Variants in SLC26A5 observed in about 807,000 individuals in gnomAD.
SLC26A5 encodes prestin.
In SLC26A5, 51 loss-of-function variants were observed where a neutral mutation model predicts 81.0. That is an observed-to-expected ratio of 0.63 (90% CI 0.50 to 0.80). The LOEUF (loss-of-function observed/expected upper bound fraction) is 0.80, where lower values mean the gene tolerates loss of function less well. SLC26A5 is among the 30% of genes least tolerant of loss of function. The probability of loss-of-function intolerance (pLI) is 0.00; values close to 1 mark genes in which losing one functional copy is unlikely to be tolerated. For missense variants in SLC26A5, 771 were observed against 905.8 expected, an observed-to-expected ratio of 0.85 and a Z score of 1.91; for synonymous variants, 325 against 332.8, an observed-to-expected ratio of 0.98 and a Z score of 0.25.
chr7:103,413,204 C>A, intron 4 of SLC26A5, 92 bp from the exon 5 acceptor site: 1 of 837,646 alleles, frequency 1.2e-6, no homozygotes, highest in Non-Finnish European at 2.0e-6. Context: ...TTCTGATGAA[C>A]GAGTGAAGCC....
In SLC26A5 at chr7:103,367,037, A is replaced by G. The variant is rs545182608; in HGVS notation, c.2041+9771T>C. ...CCAGGCTGGTCTCGAACTCCTGAGG[A>G]CAAGTTATTTTAACTAATCTCTGAG... On this transcript the variant is annotated intron_variant, in intron 19 of 19. Coordinates refer to the SLC26A5 transcript ENST00000339444. The surrounding 1 kb of genome is among the most constrained non-coding windows in gnomAD (Gnocchi z 6.1). Among the ~76,000 whole-genome samples, 2 of 152,222 alleles carry G rather than the reference A, an allele frequency of 1.3e-5. No homozygotes were observed. The highest frequency in any genetic ancestry group is 3.9e-4 in the East Asian group (2 of 5,174).
intron 8 of SLC26A5, among the ~76,000 whole-genome samples, chr7:103,406,853 A>G (rs181124787): frequency 3.2e-4 from 49 of 152,208 alleles, no homozygotes; most frequent in Admixed American, 3.1e-3. Context: ...GGGTTTCACC[A>G]TGTTAGCCAG....
chr7:103,424,811 C>T (rs1825601586), intron 2 of SLC26A5, among the ~76,000 whole-genome samples: 1 of 152,100 alleles, frequency 6.6e-6, no homozygotes, highest in African/African-American at 2.4e-5. Flanking sequence ...CAAAATGTGG[C>T]CAATCACCAC....
downstream of SLC26A5, among the ~76,000 whole-genome samples, chr7:103,372,683 G>A (rs1462465033): frequency 6.6e-5 from 10 of 152,246 alleles, no homozygotes; most frequent in South Asian, 6.2e-4. Flanking sequence ...GAAGATTTAA[G>A]TTATATGTGG....
intron 6 of SLC26A5, 87 bp downstream of exon 6, chr7:103,411,333 C>A: frequency 1.3e-6 from 2 of 1,517,530 alleles, no homozygotes; most frequent in Non-Finnish European, 1.8e-6. Flanking sequence ...CCCCATCCAC[C>A]GTGTAGTAAG....
At chr7:103,390,125 A>C (rs1822527687) in intron 12 of SLC26A5, among the ~76,000 whole-genome samples, 2 of 152,180 alleles carry the variant, frequency 1.3e-5, no homozygotes, top group South Asian at 4.1e-4. Context: ...CAGGTTTTTT[A>C]TGAAAGTACA....
At chr7:103,383,781 C>T (rs1821975423) in intron 14 of SLC26A5, among the ~76,000 whole-genome samples, 2 of 151,994 alleles carry the variant, frequency 1.3e-5, no homozygotes, top group South Asian at 4.2e-4. Context: ...CTCTAGTGAT[C>T]CTTGTGCCTC....
chr7:103,431,751 A>AT (rs1234054030), intron 2 of SLC26A5, among the ~76,000 whole-genome samples: 1 of 152,206 alleles, frequency 6.6e-6, no homozygotes, highest in Non-Finnish European at 1.5e-5. Flanking sequence ...AGTTCTGTGC[A>AT]TTTAGCATCT....
intron 7 of SLC26A5, among the ~76,000 whole-genome samples, chr7:103,408,677 T>C (rs1032869369): frequency 4.6e-5 from 7 of 152,174 alleles, no homozygotes; most frequent in Admixed American, 1.3e-4. Context: ...GGTAAATACA[T>C]TGAAAAGCTT....
chr7:103,434,171 A>G (rs1242854034), intron 2 of SLC26A5, among the ~76,000 whole-genome samples: 3 of 152,166 alleles, frequency 2.0e-5, no homozygotes, highest in Non-Finnish European at 4.4e-5. Flanking sequence ...GGTACTCAGA[A>G]GTAAACGGCC....
At chr7:103,362,749 C>A in intron 19 of SLC26A5, 1 of 1,592,078 alleles carries the variant, frequency 6.3e-7, no homozygotes, top group Non-Finnish European at 8.6e-7. Flanking sequence ...CAACAGTTAC[C>A]ATGATGCAGG....
intron 2 of SLC26A5, among the ~76,000 whole-genome samples, chr7:103,438,042 A>C (rs9918711): frequency 0.38 from 57,969 of 152,008 alleles, 14,789 homozygotes; most frequent in African/African-American, 0.71. Flanking sequence ...GATGGAAATC[A>C]TAACTGTGAC....
intron 14 of SLC26A5, among the ~76,000 whole-genome samples, chr7:103,385,213 G>A (rs1381107470): frequency 6.6e-6 from 1 of 152,004 alleles, no homozygotes; most frequent in Non-Finnish European, 1.5e-5. Flanking sequence ...CTGGGCTGGA[G>A]TGCAGTGGCG....
At chr7:103,415,923 A>G (rs186854634) in intron 4 of SLC26A5, among the ~76,000 whole-genome samples, 13 of 152,190 alleles carry the variant, frequency 8.5e-5, no homozygotes, top group African/African-American at 3.1e-4. Flanking sequence ...TAGATGTATG[A>G]TGGGACATCA....
chr7:103,357,091 C>T (rs548372593), intron 19 of SLC26A5, among the ~76,000 whole-genome samples: 6 of 152,044 alleles, frequency 3.9e-5, no homozygotes, highest in African/African-American at 1.4e-4. Context: ...TTTGGGAGGC[C>T]CAGGCAGGCA....
intron 17 of SLC26A5, 82 bp from the exon 18 acceptor site, chr7:103,377,881 T>C: frequency 7.4e-7 from 1 of 1,348,928 alleles, no homozygotes; most frequent in South Asian, 1.2e-5. Context: ...ATGGAAAATC[T>C]GCTCTTGTGT....
chr7:103,362,670 T>A, intron 19 of SLC26A5: 1 of 1,587,896 alleles, frequency 6.3e-7, no homozygotes, highest in Non-Finnish European at 8.6e-7. Flanking sequence ...AATGACTATC[T>A]TTTTTACTTC....
In SLC26A5 at chr7:103,398,297, C is replaced by T. The variant is rs182484056; in HGVS notation, c.889-283G>A. ...CTAGTTGACTGCTACAGAAAAAGGC[C>T]ATAAAGCCTTTCAAACGTTGACCTT... On this transcript the variant is annotated intron_variant, in intron 8 of 19. Coordinates refer to ENST00000306312, the MANE Select transcript of SLC26A5 (RefSeq NM_198999.3). 6.7e-4 allele frequency among the ~76,000 whole-genome samples: 102 copies of T among 152,222 alleles called. 1 individual carries two copies. The highest frequency in any genetic ancestry group is 2.4e-3 in the African/African-American group (101 of 41,530).
chr7:103,409,440 G>T (rs1824303483), intron 7 of SLC26A5, among the ~76,000 whole-genome samples: 1 of 151,882 alleles, frequency 6.6e-6, no homozygotes, highest in Admixed American at 6.6e-5. Context: ...AATGTTTTTT[G>T]GTTTCTAAAT....
Sources: gnomAD v4.1 joint callset for allele counts (sites outside exome capture counted in the v4.1 genomes callset) on GRCh38, gnomAD v4.1.1 for gene constraint, Gnocchi (gnomAD v3.1) non-coding constraint, MANE v1.5 for transcripts, NCBI Gene and HGNC (gene_info 2026-07-23, HGNC 2026-07-21) for gene names.